The following MYOM1 variants were observed in gnomAD, a reference collection of about 807,000 sequenced individuals.
MYOM1 encodes the protein myomesin 1.
In MYOM1, 164 loss-of-function variants were observed where a neutral mutation model predicts 205.3. The observed-to-expected ratio is 0.80, with a 90% CI of 0.70 to 0.91. MYOM1 has a LOEUF of 0.91. Among genes scored for constraint, MYOM1 ranks in the 40% least tolerant of loss-of-function variants. The pLI is 0.00. For synonymous variants in MYOM1, 772 were observed against 789.4 expected, an observed-to-expected ratio of 0.98 and a Z score of 0.37; for missense variants, 2,011 against 2,127.3, an observed-to-expected ratio of 0.95 and a Z score of 1.08.
intron 5 of MYOM1, among the ~76,000 whole-genome samples, chr18:3,185,937 G>C (rs190939777): frequency 2.6e-5 from 4 of 152,196 alleles, no homozygotes; most frequent in African/African-American, 9.6e-5. Context: ...GGCTCACTCC[G>C]GTAGTCCCAG....
chr18:3,083,427 C>CTTTTTTTTTTTTTTTTT (rs35959808), intron 33 of MYOM1, among the ~76,000 whole-genome samples: 2 of 98,526 alleles, frequency 2.0e-5, no homozygotes, highest in African/African-American at 4.2e-5. Context: ...TTTTCTTTTT[C>CTTTTTTTTTTTTTTTTT]TTTTTTTTTT....
chr18:3,208,452 G>T (rs1275826237), intron 2 of MYOM1, among the ~76,000 whole-genome samples: 1 of 152,218 alleles, frequency 6.6e-6, no homozygotes, highest in East Asian at 1.9e-4. Flanking sequence ...GAGCCCAGGA[G>T]GTGGAGGTTG....
intron 13 of MYOM1, among the ~76,000 whole-genome samples, chr18:3,148,841 A>G (rs1325299165): frequency 8.7e-5 from 8 of 91,976 alleles, no homozygotes; most frequent in South Asian, 8.5e-4. Flanking sequence ...GCGAGACTCC[A>G]TCCAAAAAAA....
intron 34 of MYOM1, among the ~76,000 whole-genome samples, chr18:3,077,852 T>A (rs977072629): frequency 2.0e-5 from 3 of 152,116 alleles, no homozygotes; most frequent in Non-Finnish European, 2.9e-5. Flanking sequence ...AAAGTCCGCG[T>A]CCCTCTGGAG....
chr18:3,232,839 T>C, the MYOM1 span, among the ~76,000 whole-genome samples: 2 of 152,110 alleles, frequency 1.3e-5, no homozygotes, highest in Admixed American at 6.5e-5. Flanking sequence ...TGTTTCACCA[T>C]TGGAAAATCA....
chr18:3,239,468 G>C, the MYOM1 span, among the ~76,000 whole-genome samples: 2 of 152,124 alleles, frequency 1.3e-5, no homozygotes, highest in Admixed American at 6.6e-5. Flanking sequence ...ATAGACAAGA[G>C]CATGGGCCAG....
Position 3,141,981 on chromosome 18 carries a change from A to T in MYOM1, c.1983T>A (p.Pro661=). The part of the protein sequence containing the change: ...RSYVVLSWKP[P]GQRGHEGIMY... ...TAATGCCCTCATGACCACGCTGGCC[A>T]GGGGGCTTCCAGCTGAGCACCACAT... Residue 661 remains proline (P), a synonymous_variant, in exon 14 of 38, where the codon CCT becomes CCA. Transcript: ENST00000356443. 6.2e-7 allele frequency: 1 copy of T among 1,613,616 alleles called. No homozygotes were observed. Among genetic ancestry groups the T allele is most frequent in the Non-Finnish European group, 8.5e-7 (1 of 1,179,762 alleles).
At chr18:3,095,122 A>G (rs1216782535) in intron 25 of MYOM1, among the ~76,000 whole-genome samples, 2 of 152,168 alleles carry the variant, frequency 1.3e-5, no homozygotes, top group Non-Finnish European at 2.9e-5. Context: ...CATTCATTCC[A>G]ATGCAGGACT....
intron 2 of MYOM1, among the ~76,000 whole-genome samples, chr18:3,198,209 T>C (rs982000768): frequency 6.6e-6 from 1 of 152,190 alleles, no homozygotes; most frequent in East Asian, 1.9e-4. Flanking sequence ...ATGGGAAGTA[T>C]AGATCTGCTT....
At chr18:3,177,649 T>G (rs1325180617) in intron 5 of MYOM1, among the ~76,000 whole-genome samples, 2 of 151,994 alleles carry the variant, frequency 1.3e-5, no homozygotes, top group Non-Finnish European at 2.9e-5. Flanking sequence ...TTTTTTGTAT[T>G]TTTAGTACAG....
intron 16 of MYOM1, among the ~76,000 whole-genome samples, chr18:3,133,326 C>T (rs551053249): frequency 1.6e-4 from 25 of 152,246 alleles, no homozygotes; most frequent in Non-Finnish European, 3.1e-4. Flanking sequence ...AGCTGCCGAA[C>T]GAGTCTATTT....
At chr18:3,141,560 AC>A (rs1333360875) in intron 14 of MYOM1, among the ~76,000 whole-genome samples, 2 of 152,140 alleles carry the variant, frequency 1.3e-5, no homozygotes, top group African/African-American at 2.4e-5. Flanking sequence ...ATGTCCTACT[AC>A]AGAAGGAGGA....
chr18:3,173,779 A>T (rs957308810), intron 8 of MYOM1, among the ~76,000 whole-genome samples, 159 bp downstream of exon 8: 2 of 152,132 alleles, frequency 1.3e-5, no homozygotes, highest in Admixed American at 1.3e-4. Flanking sequence ...CAAAAAATCT[A>T]AAAAAATAAG....
In MYOM1 at chr18:3,100,157, A is replaced by C. The variant is rs1268312946; in HGVS notation, c.3727+2T>G. ...ACCTGTGAATGTATTGTGGATACTT[A>C]CTTGGGAACTTGTGTTCATGGCTGA... On this transcript the variant is annotated splice_donor_variant, in intron 25 of 37. Coordinates refer to ENST00000356443, the MANE Select transcript of MYOM1 (RefSeq NM_003803.4). LOFTEE classifies it high-confidence loss of function. 13 of 1,613,808 alleles carry C rather than the reference A, an allele frequency of 8.1e-6. No homozygotes were observed. The highest frequency in any genetic ancestry group is 1.1e-5 in the Non-Finnish European group (13 of 1,179,860).
chr18:3,165,716 C>T (rs1273616192), intron 9 of MYOM1, among the ~76,000 whole-genome samples: 1 of 152,226 alleles, frequency 6.6e-6, no homozygotes, highest in African/African-American at 2.4e-5. Context: ...GCAGATCCCA[C>T]AGAGCTGAGT....
intron 25 of MYOM1, among the ~76,000 whole-genome samples, chr18:3,098,978 C>G (rs777514409): frequency 6.6e-6 from 1 of 152,052 alleles, no homozygotes; most frequent in African/African-American, 2.4e-5. Context: ...TTTAGAGATA[C>G]GGACTCGCTC....
upstream of MYOM1, among the ~76,000 whole-genome samples, chr18:3,222,425 T>C (rs998486057): frequency 5.9e-5 from 9 of 152,240 alleles, no homozygotes; most frequent in Admixed American, 5.9e-4. Flanking sequence ...TATATTTGTT[T>C]GGAATAAACT....
chr18:3,172,800 C>T (rs1044955256), intron 8 of MYOM1, among the ~76,000 whole-genome samples: 9 of 152,160 alleles, frequency 5.9e-5, no homozygotes, highest in East Asian at 1.9e-4. Flanking sequence ...CGTGAGCCAC[C>T]GTGCCTGGCC....
intron 25 of MYOM1, among the ~76,000 whole-genome samples, chr18:3,096,105 G>T (rs545668330): frequency 2.6e-5 from 4 of 152,098 alleles, no homozygotes; most frequent in Non-Finnish European, 5.9e-5. Flanking sequence ...AATGCTGGCC[G>T]CCTTGAATGT....
Sources: allele counts gnomAD v4.1 joint callset (sites outside exome capture counted in the v4.1 genomes callset), GRCh38; gene constraint gnomAD v4.1.1; transcripts MANE v1.5; gene names NCBI Gene and HGNC (gene_info 2026-07-23, HGNC 2026-07-21).